Variants in INVS observed in about 807,000 individuals in gnomAD.
INVS encodes inversin.
Under a neutral mutation model 108.8 loss-of-function variants are expected in INVS, and 86 were observed. The observed-to-expected ratio is 0.79, with a 90% CI of 0.66 to 0.95. The LOEUF (loss-of-function observed/expected upper bound fraction) is 0.95. INVS is among the 40% of genes least tolerant of loss of function. The pLI, the probability that INVS is intolerant of heterozygous loss-of-function variation, is 0.00. For missense variants in INVS, 1,169 were observed against 1,297.4 expected (o/e 0.90, Z 1.52); for synonymous variants, 455 against 473.5 (o/e 0.96, Z 0.51).
At chr9:100,135,163 G>T (rs999396412) in intron 3 of INVS, among the ~76,000 whole-genome samples, 1 of 152,110 alleles carries the variant, frequency 6.6e-6, no homozygotes, top group South Asian at 2.1e-4. Flanking sequence ...AATTTTTAAA[G>T]TATTATTTAA....
intron 3 of INVS, among the ~76,000 whole-genome samples, chr9:100,181,745 C>T (rs192428439): frequency 2.0e-5 from 3 of 152,270 alleles, no homozygotes; most frequent in Admixed American, 2.0e-4. Flanking sequence ...TGACTTTCTT[C>T]ACAGAATTAG....
At chr9:100,133,742 A>C (rs919745754) in intron 3 of INVS, among the ~76,000 whole-genome samples, 6 of 129,006 alleles carry the variant, frequency 4.7e-5, no homozygotes, top group South Asian at 5.6e-4. Flanking sequence ...CTCGCAAACT[A>C]TCTGACTATA....
chr9:100,291,207 G>A lies in INVS; in HGVS notation c.2069-1119G>A, dbSNP rs1374995491. On this transcript the variant is annotated intron_variant, in intron 13 of 16. Transcript: ENST00000262457. ...GCCTCCCAAGTAGCTGGGACTACAC[G>A]CGTGCGCCACCATGCCCAGCTAATT... Among the ~76,000 whole-genome samples, 4 of 151,974 alleles carry A rather than the reference G, an allele frequency of 2.6e-5. 1 individual carries two copies. Among genetic ancestry groups the A allele is most frequent in the East Asian group, 1.9e-4 (1 of 5,184 alleles).
intron 9 of INVS, 60 bp from the exon 10 acceptor site, chr9:100,252,847 T>C (rs914964846): frequency 3.4e-6 from 4 of 1,166,100 alleles, no homozygotes; most frequent in Non-Finnish European, 5.1e-6. Context: ...TTTCTACTCC[T>C]ACTCATTTTA....
rs1192897635 is a variant in INVS at position 100,100,983 on chromosome 9, AATATAT to A, written c.-25+1570_-25+1575del. ...TATATATAATATATATTATATATATAATATATATGTATATATAATATATATATTATA... is the reference window on the plus strand; with the variant it reads ...TATATATAATATATATTATATATATAATGTATATATAATATATATATTATA... On this transcript the variant is annotated intron_variant, in intron 1 of 16. Transcript: ENST00000262457. 3.7e-4 allele frequency among the ~76,000 whole-genome samples: 27 copies of A among 72,752 alleles called. 1 individual carries two copies. The highest frequency in any genetic ancestry group is 1.7e-3 in the African/African-American group (23 of 13,936). The allele number at this position is 72,752 out of a possible 152,430, so 47.7% of individuals were successfully genotyped here.
chr9:100,149,205 T>G (rs188809804), intron 3 of INVS, among the ~76,000 whole-genome samples: 3 of 152,210 alleles, frequency 2.0e-5, no homozygotes, highest in African/African-American at 7.2e-5. Flanking sequence ...CCACAAGCTA[T>G]GTAGCGAATG....
Position 100,297,124 on chromosome 9 carries a change from C to G in INVS, c.2994C>G (p.His998Gln), listed in dbSNP as rs773722497. 8.1e-6 allele frequency: 13 copies of G among 1,613,970 alleles called. No individual in the cohort carries two copies. The highest frequency in any genetic ancestry group is 1.6e-4 in the Middle Eastern group (1 of 6,084). Residue 998 changes from histidine (H) to glutamine (Q), a missense_variant, in exon 15 of 17, where the codon CAC (histidine) becomes CAG (glutamine). His to Gln is a conservative substitution (Grantham distance 24). Transcript: ENST00000262457. Reference sequence around the variant, plus strand: ...CCTCAGGCACAAAGTCCACCAAGCACTCAGTGCTTAAGCAAATCTATGGTA... The same window carrying G: ...CCTCAGGCACAAAGTCCACCAAGCAGTCAGTGCTTAAGCAAATCTATGGTA... ...KGTSGTKSTKHSVLKQIYGCS... is the reference protein window; with the variant it reads ...KGTSGTKSTKQSVLKQIYGCS...
chr9:100,275,597 CT>C (rs1833089066), intron 12 of INVS, among the ~76,000 whole-genome samples: 2 of 152,200 alleles, frequency 1.3e-5, no homozygotes, highest in South Asian at 4.1e-4. Context: ...GTCCTTGCTG[CT>C]GCTGCCTCAT....
Position 100,297,151 on chromosome 9 carries a change from C to A in INVS, c.3016+5C>A. 1.2e-6 allele frequency: 2 copies of A among 1,610,680 alleles called. No homozygotes were observed. The highest frequency in any genetic ancestry group is 2.2e-5 in the East Asian group (1 of 44,812). ...CAGTGCTTAAGCAAATCTATGGTAA[C>A]TGTCCTTCTGCCTACTTTGTAGTTC... On this transcript the variant is annotated splice_donor_5th_base_variant and intron_variant, in intron 15 of 16. Coordinates refer to ENST00000262457, the MANE Select transcript of INVS (RefSeq NM_014425.5).
chr9:100,194,264 G>A (rs1830309813), intron 3 of INVS, among the ~76,000 whole-genome samples: 1 of 152,114 alleles, frequency 6.6e-6, no homozygotes, highest in Non-Finnish European at 1.5e-5. Flanking sequence ...TTTCATTTGA[G>A]CCATTCTAAA....
intron 12 of INVS, among the ~76,000 whole-genome samples, chr9:100,273,813 C>T (rs1382681571): frequency 6.6e-6 from 1 of 151,776 alleles, no homozygotes; most frequent in African/African-American, 2.4e-5. Context: ...GCTGGGATTA[C>T]AGGCATAAGC....
chr9:100,175,997 C>A, intron 3 of INVS: 1 of 548,572 alleles, frequency 1.8e-6, no homozygotes, highest in South Asian at 1.4e-5. Flanking sequence ...TTTTAGTACT[C>A]CACAAACCAT....
chr9:100,114,321 G>GTTTTAAC (rs1248543895), intron 2 of INVS, among the ~76,000 whole-genome samples: 4 of 143,820 alleles, frequency 2.8e-5, no homozygotes. Context: ...TGTCTCTATA[G>GTTTTAAC]TTTTAACTTT....
chr9:100,255,472 G>A (rs1832387330), intron 10 of INVS, among the ~76,000 whole-genome samples: 2 of 152,132 alleles, frequency 1.3e-5, no homozygotes, highest in Admixed American at 6.5e-5. Context: ...TGGTGAGAGA[G>A]GGCATCCCTG....
Position 100,287,478 on chromosome 9 carries a change from C to T in INVS, c.2068+2875C>T, listed in dbSNP as rs570890735. Among the ~76,000 whole-genome samples the T allele has an allele frequency of 2.0e-5, 3 of 152,314 alleles. No homozygotes were observed. In the East Asian group the frequency reaches 5.8e-4, roughly 29 times the overall value. The stretch of plus-strand genomic sequence containing the variant: ...ATTTGGTCACAGATTATTCACATTC[C>T]TCCCACATGCAAGATATTCTTACCC... On this transcript the variant is annotated intron_variant, in intron 13 of 16. Transcript: ENST00000262457.
At chr9:100,297,549 T>C (rs1036184654) in intron 15 of INVS, among the ~76,000 whole-genome samples, 2 of 152,188 alleles carry the variant, frequency 1.3e-5, no homozygotes, top group East Asian at 1.9e-4. Flanking sequence ...TGAGATGTTA[T>C]AGGGTTGCCC....
At chr9:100,248,794 T>C (rs966838993) in intron 8 of INVS, among the ~76,000 whole-genome samples, 3 of 152,062 alleles carry the variant, frequency 2.0e-5, no homozygotes, top group Non-Finnish European at 4.4e-5. Context: ...ATAGAGAGCA[T>C]TGGAGGGAGA....
In INVS at chr9:100,275,511, T is replaced by C. The variant is rs565265194; in HGVS notation, c.1784+2435T>C. Among the ~76,000 whole-genome samples the C allele has an allele frequency of 1.8e-4, 27 of 152,350 alleles. No individual in the cohort carries two copies. The South Asian group carries it at 5.2e-3, about 29-fold the overall frequency. On this transcript the variant is annotated intron_variant, in intron 12 of 16. Transcript: ENST00000262457. ...TTTGTTCTATTTCTCAAAAGTTATT[T>C]CTTAAAATCTGAGTCAGTGTTTAAT... is the stretch of plus-strand genomic sequence containing the variant.
At chr9:100,298,756 T>C (rs1017828605) in intron 16 of INVS, among the ~76,000 whole-genome samples, 3 of 152,156 alleles carry the variant, frequency 2.0e-5, no homozygotes, top group African/African-American at 7.2e-5. Flanking sequence ...GACAGAGTAA[T>C]TACTGCCAAA....
Sources: gnomAD v4.1 joint callset for allele counts (sites outside exome capture counted in the v4.1 genomes callset) on GRCh38, gnomAD v4.1.1 for gene constraint, MANE v1.5 for transcripts, NCBI Gene and HGNC (gene_info 2026-07-23, HGNC 2026-07-21) for gene names.